The following ITGB2 variants were observed in gnomAD, a reference collection of about 807,000 sequenced individuals.
The protein encoded by ITGB2 is integrin subunit beta 2.
In ITGB2, 56 loss-of-function variants were observed where a neutral mutation model predicts 86.8. The observed-to-expected ratio is 0.65, with a 90% CI of 0.52 to 0.81. The LOEUF is 0.81. Ranked by LOEUF, ITGB2 falls within the 30% of genes least tolerant of loss-of-function variation. The pLI is 0.00. For missense variants in ITGB2, 948 were observed against 1,061.2 expected (o/e 0.89, Z 1.48); for synonymous variants, 457 against 450.4 (o/e 1.01, Z -0.19).
chr21:44,905,687 G>GT (rs2084031731), intron 4 of ITGB2, among the ~76,000 whole-genome samples: 1 of 152,166 alleles, frequency 6.6e-6, no homozygotes. Flanking sequence ...GGGGCAGCGA[G>GT]GGGCAGGCCT....
At chr21:44,906,790 C>T (rs2146538264) in intron 4 of ITGB2, 125 bp downstream of exon 4, 1 of 1,005,882 alleles carries the variant, frequency 9.9e-7, no homozygotes, top group Non-Finnish European at 1.5e-6. Flanking sequence ...CTGGCCCACA[C>T]ACCCGTCCGA....
chr21:44,911,883 G>C (rs991661089), intron 1 of ITGB2, among the ~76,000 whole-genome samples: 1 of 152,138 alleles, frequency 6.6e-6, no homozygotes, highest in African/African-American at 2.4e-5. Flanking sequence ...ACCAGGCCTA[G>C]GTCGGCTCCT....
At chr21:44,886,648 G>C in intron 15 of ITGB2, 88 bp downstream of exon 15, 1 of 1,569,076 alleles carries the variant, frequency 6.4e-7, no homozygotes, top group Non-Finnish European at 8.8e-7. Flanking sequence ...AGCCACACAC[G>C]GGTGTCCACG....
At chr21:44,904,659 AACAC>A (rs1010598365) in intron 4 of ITGB2, among the ~76,000 whole-genome samples, 1 of 150,844 alleles carries the variant, frequency 6.6e-6, no homozygotes, top group African/African-American at 2.4e-5. Flanking sequence ...ACACACACCA[AACAC>A]ACACACATGC....
chr21:44,887,743 TC>T (rs2146493520), intron 14 of ITGB2, among the ~76,000 whole-genome samples: 1 of 152,244 alleles, frequency 6.6e-6, no homozygotes, highest in East Asian at 1.9e-4. Context: ...GTGACCCAAG[TC>T]TGTCCCTCAA....
chr21:44,888,336 G>C (rs1050794515), intron 14 of ITGB2, among the ~76,000 whole-genome samples: 8 of 151,282 alleles, frequency 5.3e-5, no homozygotes, highest in African/African-American at 1.9e-4. Flanking sequence ...GCCACCCCTG[G>C]GGACCTGCAA....
chr21:44,901,201 T>C (rs1295990361), intron 6 of ITGB2, among the ~76,000 whole-genome samples: 1 of 152,192 alleles, frequency 6.6e-6, no homozygotes, highest in East Asian at 1.9e-4. Context: ...GTTCCACCCT[T>C]GGCCGCTCGC....
intron 3 of ITGB2, among the ~76,000 whole-genome samples, chr21:44,909,648 T>C (rs1320028382): frequency 6.6e-6 from 1 of 152,000 alleles, no homozygotes. Flanking sequence ...GGTGACAAAA[T>C]CCACCAGGAA....
chr21:44,911,975 A>G (rs2084141067), intron 1 of ITGB2, among the ~76,000 whole-genome samples: 2 of 151,838 alleles, frequency 1.3e-5, no homozygotes, highest in Admixed American at 6.6e-5. Flanking sequence ...GCTGGCTGGG[A>G]CCCTTTTATC....
chr21:44,890,287 C>G (rs1448093261), intron 11 of ITGB2, 65 bp from the exon 12 acceptor site: 5 of 1,602,102 alleles, frequency 3.1e-6, no homozygotes, highest in South Asian at 2.2e-5. Context: ...GACAGCCGCC[C>G]TGTCCTCCAG....
At chr21:44,918,236 C>G (rs73376530) in intron 1 of ITGB2, among the ~76,000 whole-genome samples, 12,563 of 152,346 alleles carry the variant, frequency 0.082, 633 homozygotes, top group Middle Eastern at 0.14. Context: ...AGCCAGCCTC[C>G]GGTGACATGG....
At position 44,888,811 on chromosome 21, in the gene ITGB2, G is replaced by A. The variant is rs1245230026; in HGVS notation, c.1962C>T (p.Asn654=). The A allele has an allele frequency of 6.2e-7, 1 of 1,611,776 alleles. No individual in the cohort carries two copies. Among genetic ancestry groups the A allele is most frequent in the South Asian group, 1.1e-5 (1 of 91,092 alleles). ...SAACPGLQLS[N]NPVKGRTCKE... ...TGCAGGTCCTGCCCTTCACGGGGTT[G>A]TTCGACAGCTGCAGGCCCGGACACG... Residue 654 remains asparagine, a synonymous_variant, in exon 14 of 16, where the codon AAC becomes AAT. Coordinates refer to ENST00000652462, the MANE Select transcript of ITGB2 (RefSeq NM_000211.5).
At position 44,900,317 on chromosome 21, in the gene ITGB2, T is replaced by TA; in HGVS notation, c.897+2dup. On this transcript the variant is annotated splice_region_variant and intron_variant, in intron 7 of 15. Transcript: ENST00000652462. The stretch of plus-strand genomic sequence containing the variant: ...TGCCTGGGTGCCTGGGGTGGGGACT[T>TA]ACGAATTCGTTGCTCCTCTTGTACA... 6.2e-7 allele frequency: 1 copy of TA among 1,614,162 alleles called. No homozygotes were observed. The highest frequency in any genetic ancestry group is 1.3e-5 in the African/African-American group (1 of 75,054).
At chr21:44,903,626 C>T in intron 4 of ITGB2, 91 bp from the exon 5 acceptor site, 2 of 1,472,440 alleles carry the variant, frequency 1.4e-6, no homozygotes, top group East Asian at 2.4e-5. Flanking sequence ...TGTGCACTGG[C>T]ACCCTCTCCT....
intron 4 of ITGB2, among the ~76,000 whole-genome samples, chr21:44,904,636 C>T (rs974999555): frequency 2.0e-5 from 3 of 151,808 alleles, no homozygotes; most frequent in African/African-American, 7.3e-5. Context: ...CGCACACACA[C>T]TCGCACACAC....
chr21:44,899,062 C>G lies in ITGB2; in HGVS notation c.993+5G>C. 1 of 1,611,396 alleles carries G rather than the reference C, an allele frequency of 6.2e-7. No homozygotes were observed. The highest frequency in any genetic ancestry group is 8.5e-7 in the Non-Finnish European group (1 of 1,177,516). On this transcript the variant is annotated splice_donor_5th_base_variant and intron_variant, in intron 8 of 15. Coordinates refer to ENST00000652462, the MANE Select transcript of ITGB2 (RefSeq NM_000211.5). The stretch of plus-strand genomic sequence containing the variant: ...AATGGATGCTCGGGACCCAACAGCA[C>G]TCACCTCGTAGGTCTTCACCATCCT...
chr21:44,912,617 C>A (rs978030882), intron 1 of ITGB2, among the ~76,000 whole-genome samples: 4 of 152,210 alleles, frequency 2.6e-5, no homozygotes, highest in African/African-American at 9.6e-5. Context: ...CACCCTGTGT[C>A]TGAAAGCCCC....
chr21:44,894,159 T>G (rs2083829338), intron 9 of ITGB2: 2 of 173,628 alleles, frequency 1.2e-5, no homozygotes, highest in African/African-American at 4.8e-5. Flanking sequence ...CCTCGGGCAG[T>G]GGCTGGCACC....
chr21:44,903,787 T>TG (rs1421249702), intron 4 of ITGB2, among the ~76,000 whole-genome samples: 2 of 152,158 alleles, frequency 1.3e-5, no homozygotes, highest in Non-Finnish European at 2.9e-5. Flanking sequence ...GAAACCCGCC[T>TG]GGGGTGCTTA....
Sources: gnomAD v4.1 joint callset for allele counts (sites outside exome capture counted in the v4.1 genomes callset) on GRCh38, gnomAD v4.1.1 for gene constraint, MANE v1.5 for transcripts, NCBI Gene and HGNC (gene_info 2026-07-23, HGNC 2026-07-21) for gene names.